Variants in OMA1 observed in about 807,000 individuals in gnomAD.
OMA1 encodes the protein metalloendopeptidase OMA1, mitochondrial.
OMA1 carries 38 observed loss-of-function variants against 30.9 expected under a neutral mutation model. The ratio of observed to expected loss-of-function variants is 1.23; its 90% CI spans 0.95 to 1.61. The LOEUF (loss-of-function observed/expected upper bound fraction) is 1.61, where lower values mean the gene tolerates loss of function less well. Ranked by LOEUF, OMA1 falls within the 40% of genes most tolerant of loss-of-function variation. The pLI is 0.00. For missense variants in OMA1, 461 were observed against 349.2 expected, an observed-to-expected ratio of 1.32 and a Z score of -2.55; for synonymous variants, 173 against 121.9, an observed-to-expected ratio of 1.42 and a Z score of -2.76.
chr1:58,516,328 T>A (rs896383102), intron 7 of OMA1, among the ~76,000 whole-genome samples: 2 of 152,224 alleles, frequency 1.3e-5, no homozygotes, highest in Non-Finnish European at 2.9e-5. Flanking sequence ...GTGAAATTTT[T>A]AAAAAGTCAT....
At chr1:58,521,638 T>C (rs570524408) in intron 7 of OMA1, among the ~76,000 whole-genome samples, 4 of 152,094 alleles carry the variant, frequency 2.6e-5, no homozygotes, top group Admixed American at 1.3e-4. Context: ...AATAAGAGTA[T>C]ATTAAAACAA....
At chr1:58,530,228 G>A (rs1569960504) in intron 6 of OMA1, among the ~76,000 whole-genome samples, 1 of 152,158 alleles carries the variant, frequency 6.6e-6, no homozygotes, top group African/African-American at 2.4e-5. Flanking sequence ...TCAGATTTTG[G>A]TATCCACAAG....
chr1:58,497,695 T>C (rs1251152884), intron 8 of OMA1, among the ~76,000 whole-genome samples: 1 of 152,176 alleles, frequency 6.6e-6, no homozygotes, highest in Admixed American at 6.6e-5. Context: ...TCCCTCTCTG[T>C]ACCAGAAAGA....
intron 8 of OMA1, among the ~76,000 whole-genome samples, chr1:58,490,213 C>T (rs1192819114): frequency 6.6e-6 from 1 of 152,120 alleles, no homozygotes; most frequent in Non-Finnish European, 1.5e-5. Context: ...AGACGAATGA[C>T]TAACTAGAAT....
rs1214100377 is a variant in OMA1 at position 58,534,151 on chromosome 1, T to C, written c.903+7A>G. The C allele has an allele frequency of 3.4e-6, 3 of 870,000 alleles. No homozygotes were observed. Among genetic ancestry groups the C allele is most frequent in the Non-Finnish European group, 2.0e-6 (1 of 501,146 alleles). 53.9% of individuals were successfully genotyped at this position (870,000 alleles called of 1,614,324 possible). On this transcript the variant is annotated splice_region_variant and intron_variant, in intron 4 of 8. Coordinates refer to ENST00000371226, the MANE Select transcript of OMA1 (RefSeq NM_145243.5). Reference sequence around the variant, plus strand: ...CAATTACAATGCGTTTGAGAACATTTACTTACTGGAAGCACGAAGGCATTA... The same window carrying C: ...CAATTACAATGCGTTTGAGAACATTCACTTACTGGAAGCACGAAGGCATTA...
intron 8 of OMA1, among the ~76,000 whole-genome samples, chr1:58,482,210 G>T (rs1645499052): frequency 6.6e-6 from 1 of 152,220 alleles, no homozygotes; most frequent in Non-Finnish European, 1.5e-5. Context: ...ACACTGGAAA[G>T]AGAGGGCTTA....
At chr1:58,481,869 A>G (rs368363663) in intron 8 of OMA1, among the ~76,000 whole-genome samples, 75 of 152,290 alleles carry the variant, frequency 4.9e-4, no homozygotes, top group African/African-American at 1.8e-3. Flanking sequence ...GCCTTCCACC[A>G]TGATTGTGAG....
intron 8 of OMA1, among the ~76,000 whole-genome samples, chr1:58,486,509 C>T (rs537506874): frequency 6.6e-6 from 1 of 152,280 alleles, no homozygotes; most frequent in Admixed American, 6.5e-5. Context: ...TATTATATTG[C>T]TTATCCTGCC....
At chr1:58,546,054 G>A (rs1646698112) in intron 1 of OMA1, among the ~76,000 whole-genome samples, 1 of 152,126 alleles carries the variant, frequency 6.6e-6, no homozygotes, top group African/African-American at 2.4e-5. Context: ...GTTGAGGATT[G>A]CACGGCACAA....
intron 7 of OMA1, among the ~76,000 whole-genome samples, chr1:58,520,514 CAAAT>C (rs1196629987): frequency 3.3e-5 from 5 of 152,058 alleles, no homozygotes; most frequent in African/African-American, 7.2e-5. Flanking sequence ...GCAAATTAAA[CAAAT>C]AGACTAACTT....
At chr1:58,487,730 G>A (rs1275898194) in intron 8 of OMA1, among the ~76,000 whole-genome samples, 1 of 152,052 alleles carries the variant, frequency 6.6e-6, no homozygotes, top group Non-Finnish European at 1.5e-5. Context: ...AATTTGAGAA[G>A]CTTCATTCTA....
chr1:58,522,964 A>G (rs1646290637), intron 7 of OMA1, among the ~76,000 whole-genome samples: 1 of 152,208 alleles, frequency 6.6e-6, no homozygotes, highest in East Asian at 1.9e-4. Flanking sequence ...AAAGGCAGGC[A>G]TAATCAGTGT....
At chr1:58,530,815 T>C in intron 5 of OMA1, 86 bp from the exon 6 acceptor site, 7 of 733,918 alleles carry the variant, frequency 9.5e-6, no homozygotes, top group Middle Eastern at 2.4e-4. Flanking sequence ...TGTGTTACAA[T>C]TACCTGACCT....
At chr1:58,519,472 T>C (rs1009080367) in intron 7 of OMA1, among the ~76,000 whole-genome samples, 3 of 152,110 alleles carry the variant, frequency 2.0e-5, no homozygotes, top group East Asian at 3.9e-4. Flanking sequence ...AATCTTACAG[T>C]AGAGCTCATC....
chr1:58,534,230 A>C lies in OMA1; in HGVS notation c.831T>G (p.Val277=). The C allele has an allele frequency of 1.1e-6, 1 of 872,032 alleles. No homozygotes were observed. Among genetic ancestry groups the C allele is most frequent in the Non-Finnish European group, 2.0e-6 (1 of 501,514 alleles). 54.0% of individuals were successfully genotyped at this position (872,032 alleles called of 1,614,324 possible). Residue 277 remains valine (V), a synonymous_variant, in exon 4 of 9, where the codon GTT becomes GTG. Transcript: ENST00000371226. The stretch of plus-strand genomic sequence containing the variant: ...CCCAATTGATCTGAGAGATCCCTGG[A>C]ACATCTTTATTGCATTCAATTAGAT... ...LCHLIECNKD[V]PGISQINWVI...
intron 8 of OMA1, among the ~76,000 whole-genome samples, chr1:58,482,938 A>C (rs1017622862): frequency 2.0e-5 from 3 of 152,188 alleles, no homozygotes; most frequent in Admixed American, 6.5e-5. Context: ...TGTGGGGTCC[A>C]TGGAAAGAAT....
rs543576523 is a variant in OMA1, at chr1:58,489,469, T to C, written c.1366-8295A>G. On this transcript the variant is annotated intron_variant, in intron 8 of 8. Coordinates refer to ENST00000371226, the MANE Select transcript of OMA1 (RefSeq NM_145243.5). ...GAAGCTCGAACTGGGTGGAGCCCAC[T>C]GCAGCTCAAGGAGGCCTGCCTGCCT... Among the ~76,000 whole-genome samples, 91 of 152,326 alleles carry C rather than the reference T, an allele frequency of 6.0e-4. No homozygotes were observed. The South Asian group carries it at 0.018, about 30-fold the overall frequency.
At chr1:58,540,772 C>T (rs1266782333) in intron 1 of OMA1, among the ~76,000 whole-genome samples, 1 of 151,322 alleles carries the variant, frequency 6.6e-6, no homozygotes, top group Non-Finnish European at 1.5e-5. Flanking sequence ...GCCTAATATT[C>T]ATCTAACTGA....
At chr1:58,495,237 G>A (rs1645777994) in intron 8 of OMA1, among the ~76,000 whole-genome samples, 1 of 152,158 alleles carries the variant, frequency 6.6e-6, no homozygotes, top group African/African-American at 2.4e-5. Flanking sequence ...CATGGACACA[G>A]GAAGGGGAAC....
Sources: gnomAD v4.1 joint callset for allele counts (sites outside exome capture counted in the v4.1 genomes callset) on GRCh38, gnomAD v4.1.1 for gene constraint, MANE v1.5 for transcripts, NCBI Gene and HGNC (gene_info 2026-07-23, HGNC 2026-07-21) for gene names.